Variants in RFX2 observed in about 807,000 individuals in gnomAD.
RFX2 encodes regulatory factor X2.
Under a neutral mutation model 87.8 loss-of-function variants are expected in RFX2, and 20 were observed. The observed-to-expected ratio is 0.23, with a 90% CI of 0.16 to 0.33. The LOEUF is 0.33. RFX2 is among the 10% of genes least tolerant of loss of function. RFX2 has a pLI of 1.00. For synonymous variants in RFX2, 397 were observed against 431.3 expected (o/e 0.92, Z 0.98); for missense variants, 767 against 1,012.3 (o/e 0.76, Z 3.29).
chr19:6,033,192 A>G (rs1175085425), intron 5 of RFX2, among the ~76,000 whole-genome samples: 1 of 152,152 alleles, frequency 6.6e-6, no homozygotes, highest in Non-Finnish European at 1.5e-5. Context: ...AACACTCTTA[A>G]CTAATCCACG....
At chr19:6,006,270 C>T (rs1319827373) in intron 12 of RFX2, among the ~76,000 whole-genome samples, 1 of 152,070 alleles carries the variant, frequency 6.6e-6, no homozygotes, top group Non-Finnish European at 1.5e-5. Context: ...AGGTGATCCT[C>T]CTGCCTCAGC....
chr19:6,016,021 T>C lies in RFX2; in HGVS notation c.779+69A>G. ...CTGGAAAGGAGGAGGAAGCCTCGCATTTTCCCAAAAGCTCCATTTCTTGGG... is the reference window on the plus strand; with the variant it reads ...CTGGAAAGGAGGAGGAAGCCTCGCACTTTCCCAAAAGCTCCATTTCTTGGG... On this transcript the variant is annotated intron_variant, in intron 7 of 17. Coordinates refer to ENST00000303657, the MANE Select transcript of RFX2 (RefSeq NM_000635.4). The surrounding 1 kb of genome is among the most constrained non-coding windows in gnomAD (Gnocchi z 5.4). The C allele has an allele frequency of 2.8e-6, 4 of 1,449,842 alleles. No individual in the cohort carries two copies. In the South Asian group the frequency reaches 5.6e-5, roughly 20 times the overall value. 89.8% of individuals were successfully genotyped at this position (1,449,842 alleles called of 1,614,324 possible). A position where few individuals can be genotyped will look rare whatever the true frequency, so the allele number is the denominator to read the frequency against.
rs74947925 is a variant in RFX2 at position 6,008,960 on chromosome 19, G to A, written c.1016-736C>T. ...TTCTCAAAGTGCTGGGATGGCAGGC[G>A]TGAGCCACCGTGCCCAGTACAGTCA... On this transcript the variant is annotated intron_variant, in intron 9 of 17. Coordinates refer to ENST00000303657, the MANE Select transcript of RFX2 (RefSeq NM_000635.4). Among the ~76,000 whole-genome samples the A allele has an allele frequency of 6.9e-3, 1,048 of 152,264 alleles. 19 individuals carry two copies. Among genetic ancestry groups the A allele is most frequent in the African/African-American group, 0.024 (984 of 41,548 alleles).
chr19:6,008,177 A>C lies in RFX2; in HGVS notation c.1063T>G (p.Phe355Val), dbSNP rs79564339. The C allele has an allele frequency of 4.7e-3, 7,379 of 1,561,780 alleles. 120 individuals carry two copies. In the East Asian group the frequency reaches 0.068, roughly 14 times the overall value. Residue 355 changes from phenylalanine (F) to valine (V), a missense_variant, in exon 10 of 18, where the codon TTC (phenylalanine) becomes GTC (valine). Coordinates refer to ENST00000303657, the MANE Select transcript of RFX2 (RefSeq NM_000635.4). ...PEFPAPDLGSFLLQDGVTLHD... is the reference protein window; with the variant it reads ...PEFPAPDLGSVLLQDGVTLHD... ...AGTGTGACGCCGTCCTGCAGCAGGA[A>C]GCTGCCCAGGTCGGGCGCTGGGAAC...
In RFX2 at chr19:6,064,178, G is replaced by A. The variant is rs967381252; in HGVS notation, c.-8-16674C>T. Among the ~76,000 whole-genome samples, 2 of 152,172 alleles carry A rather than the reference G, an allele frequency of 1.3e-5. No homozygotes were observed. Among genetic ancestry groups the A allele is most frequent in the African/African-American group, 4.8e-5 (2 of 41,442 alleles). On this transcript the variant is annotated intron_variant, in intron 1 of 17. Transcript: ENST00000303657. This position sits in a 1 kb window ranked among gnomAD's most constrained non-coding sequence, Gnocchi z 4.8. Reference sequence around the variant, plus strand: ...CAATGAACAAGAGAATGAGCAGCCCGCCTGCTCCGGGCTGCTCACCTGTTC... The same window carrying A: ...CAATGAACAAGAGAATGAGCAGCCCACCTGCTCCGGGCTGCTCACCTGTTC...
intron 1 of RFX2, among the ~76,000 whole-genome samples, chr19:6,095,068 C>T (rs1306219927): frequency 6.6e-6 from 1 of 152,102 alleles, no homozygotes; most frequent in Non-Finnish European, 1.5e-5. Context: ...GCCGAGATCG[C>T]GCCACCGCAC....
rs147242114 is a variant in RFX2, at chr19:6,004,957, A to G, written c.1403-659T>C. On this transcript the variant is annotated intron_variant, in intron 12 of 17. Transcript: ENST00000303657. The surrounding 1 kb of genome is among the most constrained non-coding windows in gnomAD (Gnocchi z 4.8). Reference sequence around the variant, plus strand: ...AACATGGTGAAACCCTATCTCTACTAAAAATACAAAAATGATCTGGACGTG... The same window carrying G: ...AACATGGTGAAACCCTATCTCTACTGAAAATACAAAAATGATCTGGACGTG... 0.012 allele frequency among the ~76,000 whole-genome samples: 1,884 copies of G among 152,146 alleles called. 39 individuals are homozygous for G. The highest frequency in any genetic ancestry group is 0.043 in the African/African-American group (1,793 of 41,484).
At chr19:6,092,084 T>C (rs2087944299) in intron 1 of RFX2, among the ~76,000 whole-genome samples, 2 of 152,176 alleles carry the variant, frequency 1.3e-5, no homozygotes, top group South Asian at 4.1e-4. Flanking sequence ...AAGAAAACCA[T>C]GATTCACTGA....
At position 6,105,800 on chromosome 19, in the gene RFX2, T is replaced by C. The variant is rs951295526; in HGVS notation, c.-9+4593A>G. Among the ~76,000 whole-genome samples, 9 of 152,004 alleles carry C rather than the reference T, an allele frequency of 5.9e-5. No homozygotes were observed. In the East Asian group the frequency reaches 1.4e-3, roughly 23 times the overall value. On this transcript the variant is annotated intron_variant, in intron 1 of 17. Transcript: ENST00000303657. ...AGGAGTCAAGGACAGTCCTGAGGTT[T>C]GGCCTGAGTAATGGGAAGAAGTGAG...
rs563110246 is a variant in RFX2 at position 6,001,473 on chromosome 19, G to A, written c.1859+342C>T. On this transcript the variant is annotated intron_variant, in intron 15 of 17. Coordinates refer to ENST00000303657, the MANE Select transcript of RFX2 (RefSeq NM_000635.4). This position sits in a 1 kb window ranked among gnomAD's most constrained non-coding sequence, Gnocchi z 5.6. ...AGGTCCTGATATTTTCCCCAGGGTC[G>A]TCTCAAATTTCTGGTCTCAAGCCAT... 2.6e-5 allele frequency among the ~76,000 whole-genome samples: 4 copies of A among 152,244 alleles called. No individual in the cohort carries two copies. Among genetic ancestry groups the A allele is most frequent in the Non-Finnish European group, 4.4e-5 (3 of 68,026 alleles).
intron 3 of RFX2, 69 bp from the exon 4 acceptor site, chr19:6,042,192 T>C (rs1408005833): frequency 2.2e-6 from 3 of 1,352,140 alleles, no homozygotes; most frequent in Admixed American, 1.7e-5. Flanking sequence ...TTATTCAAGC[T>C]AGACGTGTCT....
Position 5,995,656 on chromosome 19 carries a change from C to G in RFX2, c.2014-13G>C, listed in dbSNP as rs1219475113. 1 of 1,552,150 alleles carries G rather than the reference C, an allele frequency of 6.4e-7. No homozygotes were observed. Among genetic ancestry groups the G allele is most frequent in the South Asian group, 1.2e-5 (1 of 84,074 alleles). ...CGAGATCGTTGAACTGAAAGAGAAA[C>G]CTGGAGTCAGGGGCGCCTGCAGAGG... On this transcript the variant is annotated splice_polypyrimidine_tract_variant and intron_variant, in intron 16 of 17. Transcript: ENST00000303657.
intron 1 of RFX2, among the ~76,000 whole-genome samples, chr19:6,105,706 G>A (rs976167507): frequency 2.0e-5 from 3 of 152,138 alleles, no homozygotes; most frequent in Non-Finnish European, 2.9e-5. Flanking sequence ...TGGAGGTGGC[G>A]AGGCATGGTC....
chr19:6,091,743 AT>A (rs1460835545), intron 1 of RFX2, among the ~76,000 whole-genome samples: 10 of 152,224 alleles, frequency 6.6e-5, no homozygotes, highest in African/African-American at 2.4e-4. Flanking sequence ...ATCTCGAGTG[AT>A]GGGAGAGAAG....
intron 6 of RFX2, among the ~76,000 whole-genome samples, chr19:6,019,106 AG>A (rs1331647720): frequency 1.3e-5 from 2 of 151,612 alleles, no homozygotes; most frequent in African/African-American, 4.8e-5. Flanking sequence ...CATCGTTAGC[AG>A]GTGCCAATTT....
At chr19:6,057,887 G>C (rs997930081) in intron 1 of RFX2, among the ~76,000 whole-genome samples, 3 of 152,194 alleles carry the variant, frequency 2.0e-5, no homozygotes, top group African/African-American at 7.2e-5. Context: ...CTGAGGGCCA[G>C]GTCCTCGGAG....
chr19:6,008,521 C>T (rs1382982398), intron 9 of RFX2, among the ~76,000 whole-genome samples: 3 of 150,654 alleles, frequency 2.0e-5, no homozygotes, highest in East Asian at 2.0e-4. Context: ...TACAGGTGGG[C>T]GCCACGATGC....
At chr19:6,059,830 G>A (rs2087402645) in intron 1 of RFX2, among the ~76,000 whole-genome samples, 1 of 151,976 alleles carries the variant, frequency 6.6e-6, no homozygotes, top group South Asian at 2.1e-4. Context: ...ACCTGACGCA[G>A]GATAATATGA....
rs142987023 is a variant in RFX2, at chr19:6,045,334, C to G, written c.91-1052G>C. On this transcript the variant is annotated intron_variant, in intron 2 of 17. Transcript: ENST00000303657. This position sits in a 1 kb window ranked among gnomAD's most constrained non-coding sequence, Gnocchi z 5.2. ...TGAAACCTGGGACACACATGGTGGCCGTGAGTGGCACTGAGACCTGTCCAT... is the reference window on the plus strand; with the variant it reads ...TGAAACCTGGGACACACATGGTGGCGGTGAGTGGCACTGAGACCTGTCCAT... Among the ~76,000 whole-genome samples the G allele has an allele frequency of 6.6e-6, 1 of 152,140 alleles. No individual in the cohort carries two copies. Among genetic ancestry groups the G allele is most frequent in the Non-Finnish European group, 1.5e-5 (1 of 68,018 alleles).
Sources: allele counts gnomAD v4.1 joint callset (sites outside exome capture counted in the v4.1 genomes callset), GRCh38; gene constraint gnomAD v4.1.1; non-coding constraint Gnocchi (gnomAD v3.1); transcripts MANE v1.5; gene names NCBI Gene and HGNC (gene_info 2026-07-23, HGNC 2026-07-21).